Variants in MTM1 observed in about 807,000 individuals in gnomAD.
MTM1 encodes the protein myotubularin 1.
MTM1 carries 9 observed loss-of-function variants against 52.1 expected under a neutral mutation model. The ratio of observed to expected loss-of-function variants is 0.17; its 90% confidence interval spans 0.10 to 0.30. The LOEUF is 0.30. MTM1 is among the 10% of genes least tolerant of loss of function. The pLI is 1.00. For synonymous variants in MTM1, 136 were observed against 163.8 expected (o/e 0.83, Z 1.29); for missense variants, 277 against 470.7 (o/e 0.59, Z 3.81).
intron 6 of MTM1, among the ~76,000 whole-genome samples, chrX:150,621,278 C>G (rs781941910): frequency 2.7e-5 from 3 of 110,326 alleles, no homozygotes; most frequent in African/African-American, 6.6e-5. Flanking sequence ...CAGTTCCCCC[C>G]CTGCTATTCC....
In MTM1 at chrX:150,653,652, C is replaced by T. The variant is rs143335366; in HGVS notation, c.1053+3751C>T. On this transcript the variant is annotated intron_variant, in intron 10 of 14. Coordinates refer to ENST00000370396, the MANE Select transcript of MTM1 (RefSeq NM_000252.3). ...GGTGTCACCATTCAATGTATGAAAG[C>T]GGGGCAAGCCTTTTGCAATGAGAAA... 2.1e-3 allele frequency among the ~76,000 whole-genome samples: 232 copies of T among 112,160 alleles called. 1 individual carries two copies. The highest frequency in any genetic ancestry group is 3.6e-3 in the Non-Finnish European group (190 of 53,204).
At chrX:150,584,184 A>G (rs1452300339) in intron 1 of MTM1, among the ~76,000 whole-genome samples, 3 of 105,765 alleles carry the variant, frequency 2.8e-5, no homozygotes, top group Non-Finnish European at 5.8e-5. Flanking sequence ...AAACCTGGAA[A>G]CAGCTCAAAT....
At chrX:150,591,984 G>A (rs782786230) in intron 1 of MTM1, among the ~76,000 whole-genome samples, 1 of 112,473 alleles carries the variant, frequency 8.9e-6, no homozygotes, top group South Asian at 3.6e-4. Context: ...TGGTATTTGT[G>A]TATGTTCTGA....
chrX:150,600,962 T>C (rs1460543212), intron 4 of MTM1, among the ~76,000 whole-genome samples: 1 of 111,461 alleles, frequency 9.0e-6, no homozygotes, highest in Non-Finnish European at 1.9e-5. Context: ...AAACAAAAAT[T>C]ATCTGTAGAA....
At chrX:150,596,641 C>T (rs983766711) in intron 3 of MTM1, 71 bp downstream of exon 3, 10 of 876,522 alleles carry the variant, frequency 1.1e-5, no homozygotes, top group South Asian at 4.0e-5. Flanking sequence ...GCTTCAGTCC[C>T]GCTTACTCTT....
chrX:150,641,847 C>T (rs1421825535), intron 8 of MTM1, among the ~76,000 whole-genome samples: 1 of 111,762 alleles, frequency 8.9e-6, no homozygotes, highest in Admixed American at 9.5e-5. Context: ...GACATACACT[C>T]ACCACGAGCT....
intron 1 of MTM1, among the ~76,000 whole-genome samples, chrX:150,590,134 C>T (rs1039661226): frequency 1.3e-4 from 14 of 111,799 alleles, no homozygotes; most frequent in African/African-American, 4.6e-4. Context: ...AACATTTGTG[C>T]ACACCAGCAT....
At position 150,619,137 on chromosome X, in the gene MTM1, C is replaced by G. The variant is rs782543844; in HGVS notation, c.442C>G (p.Leu148Val). Residue 148 changes from leucine (L) to valine (V), a missense_variant and splice_region_variant, in exon 6 of 15, where the codon CTG (leucine) becomes GTG (valine). Transcript: ENST00000370396. The stretch of plus-strand genomic sequence containing the variant: ...ATACGCGTTTCCCCTGGCTCACAGT[C>G]TGGTAAATTCCAGTGCTCTCCTCAG... Reference protein sequence around the residue: ...TRYAFPLAHSLPLFAFLNEEK... With the variant: ...TRYAFPLAHSVPLFAFLNEEK... 10 of 1,189,254 alleles carry G rather than the reference C, an allele frequency of 8.4e-6. No homozygotes were observed. The highest frequency in any genetic ancestry group is 1.1e-5 in the Non-Finnish European group (10 of 876,387).
At position 150,587,784 on chromosome X, in the gene MTM1, T is replaced by TG. The variant is rs1255314566; in HGVS notation, c.-10-4816dup. 4.5e-5 allele frequency among the ~76,000 whole-genome samples: 5 copies of TG among 111,929 alleles called. No individual in the cohort carries two copies. The East Asian group carries it at 8.4e-4, about 19-fold the overall frequency. ...ACAGAACTCTGTGAATGGTTCTCAT[T>TG]GGGGGTGACGCTCCCCCTAGAGGCC... is the stretch of plus-strand genomic sequence containing the variant. On this transcript the variant is annotated intron_variant, in intron 1 of 14. Transcript: ENST00000370396.
intron 2 of MTM1, 122 bp downstream of exon 2, chrX:150,592,799 C>T: frequency 4.6e-6 from 2 of 435,785 alleles, no homozygotes; most frequent in Non-Finnish European, 8.1e-6. Flanking sequence ...CATATAAATA[C>T]ATTTATACAT....
At chrX:150,618,627 C>T (rs1157927229) in intron 5 of MTM1, among the ~76,000 whole-genome samples, 2 of 111,658 alleles carry the variant, frequency 1.8e-5, no homozygotes, top group Non-Finnish European at 3.8e-5. Context: ...ACACTCCAGC[C>T]TGGGCCACAG....
chrX:150,668,281 G>A (rs782793734), intron 14 of MTM1, among the ~76,000 whole-genome samples: 1 of 112,319 alleles, frequency 8.9e-6, no homozygotes, highest in Non-Finnish European at 1.9e-5. Flanking sequence ...TAAAAGCCAC[G>A]CAAGTTTGTG....
chrX:150,634,381 G>A (rs1443259897), intron 6 of MTM1, among the ~76,000 whole-genome samples: 3 of 111,796 alleles, frequency 2.7e-5, no homozygotes, highest in African/African-American at 9.8e-5. Flanking sequence ...AAAAATAATG[G>A]CTAATTAAGT....
chrX:150,657,192 T>C (rs1449939197), intron 10 of MTM1, among the ~76,000 whole-genome samples: 7 of 110,518 alleles, frequency 6.3e-5, no homozygotes, highest in Non-Finnish European at 1.1e-4. Context: ...ATTGCGGCAC[T>C]ATTCACAATA....
chrX:150,586,730 G>A (rs1371907680), intron 1 of MTM1, among the ~76,000 whole-genome samples: 1 of 110,069 alleles, frequency 9.1e-6, no homozygotes, highest in Non-Finnish European at 1.9e-5. Context: ...CCTGGCCAAC[G>A]TGGCGAAATC....
intron 14 of MTM1, among the ~76,000 whole-genome samples, chrX:150,667,466 C>T (rs782028954): frequency 2.6e-4 from 29 of 111,432 alleles, no homozygotes; most frequent in Non-Finnish European, 4.3e-4. Context: ...GTTGTTTGTC[C>T]GTCTCCCCCT....
chrX:150,600,626 C>T (rs1279181806), intron 4 of MTM1, among the ~76,000 whole-genome samples: 2 of 111,790 alleles, frequency 1.8e-5, no homozygotes, highest in Non-Finnish European at 3.8e-5. Flanking sequence ...CTGATCTTGT[C>T]TGAAGAAAAG....
chrX:150,590,382 T>G (rs1429606607), intron 1 of MTM1, among the ~76,000 whole-genome samples: 1 of 112,156 alleles, frequency 8.9e-6, no homozygotes, highest in Non-Finnish European at 1.9e-5. Context: ...TTCATTTATA[T>G]GAAATTCCCA....
rs183592829 is a variant in MTM1 at position 150,599,822 on chromosome X, T to G, written c.231+1136T>G. On this transcript the variant is annotated intron_variant, in intron 4 of 14. Coordinates refer to ENST00000370396, the MANE Select transcript of MTM1 (RefSeq NM_000252.3). ...CTCTGTTCAAACTTTTAAGTAAGAG[T>G]GGAGATGAGTGAATGTTCTAGATTT... Among the ~76,000 whole-genome samples the G allele has an allele frequency of 2.7e-3, 300 of 111,194 alleles. 1 individual carries two copies. Among genetic ancestry groups the G allele is most frequent in the Middle Eastern group, 0.014 (3 of 216 alleles).
Sources: allele counts gnomAD v4.1 joint callset (sites outside exome capture counted in the v4.1 genomes callset), GRCh38; gene constraint gnomAD v4.1.1; transcripts MANE v1.5; gene names NCBI Gene and HGNC (gene_info 2026-07-23, HGNC 2026-07-21).